Variants in CEP350 observed in about 807,000 individuals in gnomAD.
CEP350 encodes the protein centrosome-associated protein 350.
CEP350 carries 126 observed loss-of-function variants against 331.8 expected under a neutral mutation model. That is an observed-to-expected ratio of 0.38 (90% confidence interval 0.33 to 0.44). CEP350 has a LOEUF of 0.44. CEP350 is among the 20% of genes least tolerant of loss of function. The probability of loss-of-function intolerance (pLI) is 1.00; values close to 1 mark genes in which losing one functional copy is unlikely to be tolerated. For missense variants in CEP350, 3,406 were observed against 3,634.6 expected (o/e 0.94, Z 1.62); for synonymous variants, 1,200 against 1,259.5 (o/e 0.95, Z 1.00).
chr1:180,031,335 C>G lies in CEP350; in HGVS notation c.3566C>G (p.Thr1189Ser), dbSNP rs1306629325. 6.2e-7 allele frequency: 1 copy of G among 1,603,262 alleles called. No homozygotes were observed. The change falls in exon 15 of 38, where the codon ACT (threonine) becomes AGT (serine). Residue 1189 changes from threonine (T) to serine (S), a missense_variant. This residue lies in a region of CEP350 where 1,857 missense variants were observed against 1,909.2 expected (regional missense o/e 0.97). Transcript: ENST00000367607. ...TACTTTACAGGGTTGGATTCATTCA[C>G]TGGAAATGTTCAGAACTCACTTCTT... The part of the protein sequence containing the change: ...KEKTEWLDSF[T>S]GNVQNSLLDE...
intron 6 of CEP350, 93 bp downstream of exon 6, chr1:179,997,268 C>T: frequency 7.1e-7 from 1 of 1,415,478 alleles, no homozygotes; most frequent in Non-Finnish European, 9.6e-7. Flanking sequence ...ACCTTTAGAA[C>T]AGGATGTTAT....
In CEP350 at chr1:179,996,647, G is replaced by A. The variant is rs760764557; in HGVS notation, c.490G>A (p.Gly164Ser). Residue 164 changes from glycine (G) to serine (S), a missense_variant, in exon 6 of 38, where the codon GGT (glycine) becomes AGT (serine). Gly to Ser is a moderately conservative substitution (Grantham distance 56). Transcript: ENST00000367607. Reference protein sequence around the residue: ...VDVNEEKTESGNWMIGSREER... With the variant: ...VDVNEEKTESSNWMIGSREER... The stretch of plus-strand genomic sequence containing the variant: ...TGTTAATGAAGAAAAGACTGAGAGC[G>A]GTAACTGGATGATAGGCAGTCGAGA... The A allele has an allele frequency of 2.8e-5, 45 of 1,612,508 alleles. No individual in the cohort carries two copies. Among genetic ancestry groups the A allele is most frequent in the South Asian group, 1.9e-4 (17 of 90,784 alleles).
Position 179,996,912 on chromosome 1 carries a change from T to C in CEP350, c.755T>C (p.Leu252Ser). ...GCCCATGATACTGATCCAAAAGCGTTACGACTAACTGACTCTTCTCCATCC... is the reference window on the plus strand; with the variant it reads ...GCCCATGATACTGATCCAAAAGCGTCACGACTAACTGACTCTTCTCCATCC... The part of the protein sequence containing the change: ...NMAHDTDPKA[L>S]RLTDSSPSST... The change falls in exon 6 of 38, where the codon TTA (leucine) becomes TCA (serine). Residue 252 changes from leucine (L) to serine (S), a missense_variant. Physicochemically the swap from Leu to Ser is moderately radical, Grantham distance 145. Coordinates refer to ENST00000367607, the MANE Select transcript of CEP350 (RefSeq NM_014810.5). The C allele has an allele frequency of 6.2e-7, 1 of 1,614,056 alleles. No individual in the cohort carries two copies. The highest frequency in any genetic ancestry group is 8.5e-7 in the Non-Finnish European group (1 of 1,179,894).
At chr1:180,078,991 G>A (rs1462382318) in intron 29 of CEP350, among the ~76,000 whole-genome samples, 1 of 152,112 alleles carries the variant, frequency 6.6e-6, no homozygotes, top group Non-Finnish European at 1.5e-5. Context: ...AACAAAAACA[G>A]TAAGATCTTA....
intron 17 of CEP350, among the ~76,000 whole-genome samples, chr1:180,039,327 C>T (rs865895015): frequency 1.9e-4 from 29 of 150,122 alleles, no homozygotes; most frequent in Middle Eastern, 3.6e-3. Context: ...TAGGAGGGAA[C>T]GGAAAGAAAG....
intron 1 of CEP350, among the ~76,000 whole-genome samples, chr1:179,980,706 C>T (rs1652206765): frequency 1.3e-5 from 2 of 151,806 alleles, no homozygotes; most frequent in East Asian, 3.8e-4. Context: ...AGAACCATTT[C>T]TCTCTCTCTC....
intron 32 of CEP350, among the ~76,000 whole-genome samples, chr1:180,088,715 AT>A (rs1470779536): frequency 6.6e-6 from 1 of 152,186 alleles, no homozygotes. Flanking sequence ...TGGGCAAGTT[AT>A]TTAACCGCTC....
chr1:180,094,492 T>TAAC lies in CEP350; in HGVS notation c.8389_8391dup (p.Thr2797dup). On this transcript the variant is annotated inframe_insertion, in exon 34 of 38. Transcript: ENST00000367607. The stretch of plus-strand genomic sequence containing the variant: ...CTTCTTGGTGATGACCAAAAGAAAG[T>TAAC]AACACCCCAAGACCTATCCCAAAAT... 1.9e-6 allele frequency: 3 copies of TAAC among 1,613,862 alleles called. No homozygotes were observed. The highest frequency in any genetic ancestry group is 1.6e-4 in the Middle Eastern group (1 of 6,062).
intron 21 of CEP350, among the ~76,000 whole-genome samples, chr1:180,044,846 A>G (rs1332429417): frequency 6.6e-6 from 1 of 151,710 alleles, no homozygotes; most frequent in Non-Finnish European, 1.5e-5. Context: ...AATTTAAAAA[A>G]AAAGAATAAT....
At chr1:180,079,078 C>A (rs2149078695) in intron 29 of CEP350, among the ~76,000 whole-genome samples, 1 of 151,988 alleles carries the variant, frequency 6.6e-6, no homozygotes, top group East Asian at 1.9e-4. Context: ...AATGGTTTAG[C>A]CTCTTAAAGG....
chr1:180,099,154 T>G (rs1465777071), intron 37 of CEP350, among the ~76,000 whole-genome samples, 169 bp downstream of exon 37: 1 of 152,228 alleles, frequency 6.6e-6, no homozygotes, highest in Admixed American at 6.5e-5. Flanking sequence ...AACTATTTTC[T>G]TTTGTACTCA....
At chr1:180,084,286 A>G in intron 31 of CEP350, 108 bp downstream of exon 31, 1 of 1,021,820 alleles carries the variant, frequency 9.8e-7, no homozygotes. Context: ...CTTCATTATT[A>G]GTGTGGTGCC....
At chr1:180,061,451 C>T (rs1571940469) in intron 25 of CEP350, among the ~76,000 whole-genome samples, 1 of 152,116 alleles carries the variant, frequency 6.6e-6, no homozygotes, top group Non-Finnish European at 1.5e-5. Flanking sequence ...GCCTTGGCCT[C>T]CCAAAGTGCT....
chr1:180,053,105 G>C lies in CEP350; in HGVS notation c.4928G>C (p.Gly1643Ala). 2 of 1,608,184 alleles carry C rather than the reference G, an allele frequency of 1.2e-6. No homozygotes were observed. Among genetic ancestry groups the C allele is most frequent in the Middle Eastern group, 3.3e-4 (2 of 6,052 alleles). ...AGATTTAACATGGAAAAGAGAAGAGGTCATCATGATGACTCTGATGAAGAA... is the reference window on the plus strand; with the variant it reads ...AGATTTAACATGGAAAAGAGAAGAGCTCATCATGATGACTCTGATGAAGAA... ...HRRFNMEKRR[G>A]HHDDSDEEAS... The change falls in exon 23 of 38, where the codon GGT becomes GCT. Residue 1643 changes from glycine to alanine, a missense_variant. By Grantham distance (60) the Gly-to-Ala change is moderately conservative. Around this residue, in one of 5 missense-constraint regions of CEP350, gnomAD observed 104 missense variants for 143.3 expected, o/e 0.73. Coordinates refer to ENST00000367607, the MANE Select transcript of CEP350 (RefSeq NM_014810.5).
In CEP350 at chr1:179,970,963, TGTTA is replaced by T. The variant is rs558905954; in HGVS notation, c.-13-15202_-13-15199del. Among the ~76,000 whole-genome samples the T allele has an allele frequency of 1.4e-3, 206 of 152,352 alleles. 1 individual carries two copies. The highest frequency in any genetic ancestry group is 4.7e-3 in the African/African-American group (195 of 41,590). On this transcript the variant is annotated intron_variant, in intron 1 of 37. Coordinates refer to ENST00000367607, the MANE Select transcript of CEP350 (RefSeq NM_014810.5). The stretch of plus-strand genomic sequence containing the variant: ...CTGTATTTGAAATTTTCAGTGTACT[TGTTA>T]GTTTATTTAAAATAATGATAAACCT...
chr1:179,957,402 ATTTGT>A (rs1171811202), intron 1 of CEP350, among the ~76,000 whole-genome samples: 1 of 151,924 alleles, frequency 6.6e-6, no homozygotes, highest in Non-Finnish European at 1.5e-5. Flanking sequence ...TTCTGTATTG[ATTTGT>A]TGTTGTTGTT....
Position 180,033,895 on chromosome 1 carries a change from T to C in CEP350, c.3759T>C (p.Thr1253=), listed in dbSNP as rs773054208. The C allele has an allele frequency of 6.2e-7, 1 of 1,613,890 alleles. No homozygotes were observed. Among genetic ancestry groups the C allele is most frequent in the Admixed American group, 1.7e-5 (1 of 60,000 alleles). ...CAGATAAGGGAAGATCTCAGAAAAC[T>C]CCAACTTCTCCCCTGTCACCAAGTT... ...VSSDKGRSQK[T]PTSPLSPSSQ... The change falls in exon 16 of 38, where the codon ACT becomes ACC. Residue 1253 remains threonine (T), a synonymous_variant. Coordinates refer to ENST00000367607, the MANE Select transcript of CEP350 (RefSeq NM_014810.5).
chr1:179,983,204 C>T (rs1243726364), intron 1 of CEP350, among the ~76,000 whole-genome samples: 1 of 152,038 alleles, frequency 6.6e-6, no homozygotes, highest in African/African-American at 2.4e-5. Context: ...TTCTTAGAGC[C>T]ATATTCTATA....
chr1:180,072,546 A>T (rs1284756162), intron 27 of CEP350, among the ~76,000 whole-genome samples: 1 of 152,200 alleles, frequency 6.6e-6, no homozygotes, highest in African/African-American at 2.4e-5. Context: ...AAAGAATGGC[A>T]AGGAAGATTG....
Sources: allele counts gnomAD v4.1 joint callset (sites outside exome capture counted in the v4.1 genomes callset), GRCh38; gene constraint gnomAD v4.1.1; regional missense constraint gnomAD v4.1.1; transcripts MANE v1.5; gene names NCBI Gene and HGNC (gene_info 2026-07-23, HGNC 2026-07-21).